Variants in DOK6 observed in about 807,000 individuals in gnomAD.
DOK6 encodes downstream of tyrosine kinase 6.
DOK6 carries 22 observed loss-of-function variants against 44.0 expected under a neutral mutation model. The observed-to-expected ratio is 0.50, with a 90% CI of 0.36 to 0.71. The LOEUF is 0.71. Among genes scored for constraint, DOK6 ranks in the 30% least tolerant of loss-of-function variants. The pLI, the probability that DOK6 is intolerant of heterozygous loss-of-function variation, is 0.00. For synonymous variants in DOK6, 166 were observed against 145.5 expected, an observed-to-expected ratio of 1.14 and a Z score of -1.01; for missense variants, 340 against 416.4, an observed-to-expected ratio of 0.82 and a Z score of 1.60.
intron 5 of DOK6, among the ~76,000 whole-genome samples, chr18:69,709,810 T>C (rs536085735): frequency 6.6e-6 from 1 of 152,352 alleles, no homozygotes; most frequent in East Asian, 1.9e-4. Flanking sequence ...TTTTATTTCT[T>C]CTAATATCTT....
intron 1 of DOK6, chr18:69,471,839 C>T (rs905252745): frequency 2.6e-5 from 4 of 152,168 alleles, no homozygotes; most frequent in Admixed American, 1.3e-4. Context: ...ACTTTCAAAT[C>T]ACCTGATACA....
chr18:69,664,956 G>A (rs1985619024), intron 3 of DOK6, among the ~76,000 whole-genome samples: 2 of 152,008 alleles, frequency 1.3e-5, no homozygotes, highest in South Asian at 4.2e-4. Flanking sequence ...AGGTGGGTGG[G>A]TCACGAGGTC....
chr18:69,449,553 C>T (rs1457444486), intron 1 of DOK6, among the ~76,000 whole-genome samples: 5 of 152,230 alleles, frequency 3.3e-5, no homozygotes, highest in Non-Finnish European at 7.3e-5. Flanking sequence ...ATGAAAATAG[C>T]TGTGGAAGCT....
intron 7 of DOK6, among the ~76,000 whole-genome samples, chr18:69,793,833 G>T (rs915496498): frequency 6.6e-5 from 10 of 151,866 alleles, no homozygotes; most frequent in Non-Finnish European, 1.0e-4. Context: ...TATTTTCATT[G>T]TTCCTTGAAA....
At chr18:69,822,059 C>T (rs575489029) in intron 7 of DOK6, among the ~76,000 whole-genome samples, 38 of 152,240 alleles carry the variant, frequency 2.5e-4, no homozygotes, top group Non-Finnish European at 5.0e-4. Context: ...TTATTCAACT[C>T]TCCCTATGAA....
At chr18:69,575,780 GT>G (rs1050224140) in intron 2 of DOK6, among the ~76,000 whole-genome samples, 77 of 151,994 alleles carry the variant, frequency 5.1e-4, no homozygotes, top group African/African-American at 1.8e-3. Context: ...AGAGAAAATT[GT>G]TTAAAATTTT....
rs1008120043 is a variant in DOK6 at position 69,561,719 on chromosome 18, T to C, written c.67-2768T>C. Among the ~76,000 whole-genome samples, 3 of 152,250 alleles carry C rather than the reference T, an allele frequency of 2.0e-5. No homozygotes were observed. The South Asian group carries it at 6.2e-4, about 32-fold the overall frequency. On this transcript the variant is annotated intron_variant, in intron 1 of 7. Transcript: ENST00000382713. ...AGGAAGTTCAGGGTTATCCTGCACATGCTTTTCAAGGCTCCTGAAAAGGAT... is the reference window on the plus strand; with the variant it reads ...AGGAAGTTCAGGGTTATCCTGCACACGCTTTTCAAGGCTCCTGAAAAGGAT...
intron 7 of DOK6, among the ~76,000 whole-genome samples, chr18:69,781,056 A>C (rs1980250188): frequency 6.6e-6 from 1 of 152,186 alleles, no homozygotes; most frequent in African/African-American, 2.4e-5. Context: ...CAATCCCCAC[A>C]AACAATTTCA....
Position 69,715,882 on chromosome 18 carries a change from G to A in DOK6, c.599+17289G>A, listed in dbSNP as rs57337262. 4.8e-3 allele frequency among the ~76,000 whole-genome samples: 736 copies of A among 152,294 alleles called. 4 individuals carry two copies. The highest frequency in any genetic ancestry group is 0.016 in the African/African-American group (675 of 41,570). On this transcript the variant is annotated intron_variant, in intron 5 of 7. Transcript: ENST00000382713. ...GAAGGAAGTGATTGGGGTATGGACT[G>A]TGAATTGGTTGGTTTGCATTTGAGG...
intron 1 of DOK6, among the ~76,000 whole-genome samples, chr18:69,416,195 AAGGAAGGAAGG>A (rs1978339290): frequency 2.1e-5 from 3 of 144,574 alleles, no homozygotes; most frequent in African/African-American, 8.3e-5. Flanking sequence ...GGAAGGAACG[AAGGAAGGAAGG>A]AAGGAACGAA....
In DOK6 at chr18:69,663,990, AT is replaced by A. The variant is rs544709304; in HGVS notation, c.290-13736del. Among the ~76,000 whole-genome samples, 595 of 152,218 alleles carry A rather than the reference AT, an allele frequency of 3.9e-3. 8 individuals are homozygous for A. Among genetic ancestry groups the A allele is most frequent in the African/African-American group, 0.014 (573 of 41,558 alleles). ...ATTTATCTCATTTCATAAGCCGTTA[AT>A]TTTTTTTAAAGGGTGACTAGGCAAC... On this transcript the variant is annotated intron_variant, in intron 3 of 7. Transcript: ENST00000382713.
At chr18:69,633,625 G>A (rs1033615485) in intron 3 of DOK6, among the ~76,000 whole-genome samples, 3 of 152,040 alleles carry the variant, frequency 2.0e-5, no homozygotes, top group African/African-American at 7.2e-5. Flanking sequence ...TTCCTTTAAA[G>A]CCTATTTTAC....
At chr18:69,687,554 C>T (rs1368940915) in intron 4 of DOK6, among the ~76,000 whole-genome samples, 3 of 151,974 alleles carry the variant, frequency 2.0e-5, no homozygotes, top group Non-Finnish European at 2.9e-5. Flanking sequence ...TGGTGGCGGG[C>T]GCCTGAAGTC....
At chr18:69,401,451 C>G in intron 1 of DOK6, 141 bp downstream of exon 1, 2 of 1,036,400 alleles carry the variant, frequency 1.9e-6, no homozygotes, top group Non-Finnish European at 2.6e-6. Context: ...CCGCTTGTTG[C>G]TTGGCCAGGT....
intron 1 of DOK6, among the ~76,000 whole-genome samples, chr18:69,472,755 C>T (rs547786008): frequency 6.0e-4 from 92 of 152,202 alleles, no homozygotes; most frequent in African/African-American, 2.1e-3. Context: ...CACACACACA[C>T]GGGATCTCAT....
At chr18:69,679,033 G>A (rs1985987744) in intron 4 of DOK6, among the ~76,000 whole-genome samples, 1 of 152,090 alleles carries the variant, frequency 6.6e-6, no homozygotes, top group Non-Finnish European at 1.5e-5. Context: ...AAAATTAGCA[G>A]GCTGTGGTGG....
chr18:69,799,079 A>T (rs1487530640), intron 7 of DOK6, among the ~76,000 whole-genome samples: 1 of 152,082 alleles, frequency 6.6e-6, no homozygotes, highest in Non-Finnish European at 1.5e-5. Flanking sequence ...GTACATAAAA[A>T]ACTTACATTC....
At chr18:69,579,046 TAA>T (rs1005797525) in intron 2 of DOK6, among the ~76,000 whole-genome samples, 5 of 152,204 alleles carry the variant, frequency 3.3e-5, no homozygotes, top group Admixed American at 2.6e-4. Flanking sequence ...GAAAAAACAC[TAA>T]ACTAGTTTTA....
At chr18:69,525,672 G>A (rs1203936752) in intron 1 of DOK6, among the ~76,000 whole-genome samples, 2 of 151,892 alleles carry the variant, frequency 1.3e-5, no homozygotes, top group East Asian at 1.9e-4. Flanking sequence ...AGGCCAGAGA[G>A]TGAATATTTT....
Sources: allele counts gnomAD v4.1 joint callset (sites outside exome capture counted in the v4.1 genomes callset), GRCh38; gene constraint gnomAD v4.1.1; transcripts MANE v1.5; gene names NCBI Gene and HGNC (gene_info 2026-07-23, HGNC 2026-07-21).